Variants in TDP1 observed in about 807,000 individuals in gnomAD.
TDP1 encodes the protein tyr-DNA phosphodiesterase 1.
In TDP1, 64 loss-of-function variants were observed where a neutral mutation model predicts 81.5. The ratio of observed to expected loss-of-function variants is 0.79; its 90% CI spans 0.64 to 0.97. The LOEUF is 0.97. Among genes scored for constraint, TDP1 ranks in the 50% least tolerant of loss-of-function variants. The pLI, the probability that TDP1 is intolerant of heterozygous loss-of-function variation, is 0.00. For missense variants in TDP1, 723 were observed against 743.8 expected, an observed-to-expected ratio of 0.97 and a Z score of 0.33; for synonymous variants, 256 against 264.3, an observed-to-expected ratio of 0.97 and a Z score of 0.30.
chr14:90,040,410 C>T (rs1308477279), intron 16 of TDP1, among the ~76,000 whole-genome samples: 1 of 152,244 alleles, frequency 6.6e-6, no homozygotes, highest in African/African-American at 2.4e-5. Context: ...GGTCTCTGTG[C>T]ATGTGTCCTG....
At chr14:89,958,101 A>G (rs1245583289) in intron 2 of TDP1, among the ~76,000 whole-genome samples, 2 of 152,178 alleles carry the variant, frequency 1.3e-5, no homozygotes, top group African/African-American at 4.8e-5. Context: ...GTGTATGGCA[A>G]GTGACTCTGG....
At chr14:89,983,614 G>C (rs1442250984) in intron 8 of TDP1, among the ~76,000 whole-genome samples, 1 of 152,192 alleles carries the variant, frequency 6.6e-6, no homozygotes, top group Non-Finnish European at 1.5e-5. Context: ...ACTTTTGACT[G>C]CTCCTGTAAG....
At chr14:89,973,483 TCTAGGCTGACGTA>T (rs751064193) in intron 6 of TDP1, among the ~76,000 whole-genome samples, 12 of 152,200 alleles carry the variant, frequency 7.9e-5, no homozygotes, top group Non-Finnish European at 1.6e-4. Flanking sequence ...AGCTCCCAAC[TCTAGGCTGACGTA>T]CAGGATTGTG....
At chr14:89,968,585 A>G (rs1893218525) in intron 5 of TDP1, among the ~76,000 whole-genome samples, 3 of 152,242 alleles carry the variant, frequency 2.0e-5, no homozygotes, top group Admixed American at 2.0e-4. Flanking sequence ...AAAAGAGGCT[A>G]GAAATGTCTT....
At chr14:90,019,101 G>A in intron 14 of TDP1, 1 of 983,064 alleles carries the variant, frequency 1.0e-6, no homozygotes, top group Non-Finnish European at 1.2e-6. Context: ...AGATGAGGGT[G>A]AAACTATCCC....
At chr14:90,019,976 C>T (rs1871011794) in intron 15 of TDP1, among the ~76,000 whole-genome samples, 2 of 152,146 alleles carry the variant, frequency 1.3e-5, no homozygotes, top group South Asian at 4.1e-4. Context: ...AGTGGGGTGG[C>T]ACAAAGGACA....
intron 14 of TDP1, among the ~76,000 whole-genome samples, chr14:90,006,266 T>G (rs1349460446): frequency 1.3e-5 from 2 of 152,194 alleles, no homozygotes; most frequent in Non-Finnish European, 2.9e-5. Context: ...TTCATTTTTC[T>G]TTTCTTGCTG....
intron 15 of TDP1, among the ~76,000 whole-genome samples, chr14:90,020,475 C>A: frequency 1.0e-5 from 1 of 100,392 alleles, no homozygotes; most frequent in Non-Finnish European, 2.0e-5. Flanking sequence ...ATGCTTTTTC[C>A]TTCCCTCCCT....
At chr14:89,989,907 C>A in intron 12 of TDP1, 142 bp downstream of exon 12, 1 of 723,394 alleles carries the variant, frequency 1.4e-6, no homozygotes, top group Non-Finnish European at 2.5e-6. Flanking sequence ...CAATATGAAG[C>A]TCTGCATTCC....
chr14:89,980,605 A>T lies in TDP1; in HGVS notation c.857A>T (p.His286Leu). ...GTCATACACACCTCCAACCTCATCCATGCTGACTGGCACCAGAAAACTCAA... is the reference window on the plus strand; with the variant it reads ...GTCATACACACCTCCAACCTCATCCTTGCTGACTGGCACCAGAAAACTCAA... ...RVVIHTSNLIHADWHQKTQGI... is the reference protein window; with the variant it reads ...RVVIHTSNLILADWHQKTQGI... The change falls in exon 8 of 17, where the codon CAT becomes CTT. Residue 286 changes from histidine (H) to leucine (L), a missense_variant. Physicochemically the swap from His to Leu is moderately conservative, Grantham distance 99. Transcript: ENST00000335725. 6.2e-7 allele frequency: 1 copy of T among 1,614,184 alleles called. No homozygotes were observed. Among genetic ancestry groups the T allele is most frequent in the African/African-American group, 1.3e-5 (1 of 75,050 alleles).
At chr14:89,996,907 CG>C (rs1355612029) in intron 14 of TDP1, among the ~76,000 whole-genome samples, 9 of 152,242 alleles carry the variant, frequency 5.9e-5, no homozygotes, top group African/African-American at 2.2e-4. Context: ...AGGAATAAGG[CG>C]GCAGAGTTGA....
intron 2 of TDP1, among the ~76,000 whole-genome samples, chr14:89,959,656 G>A (rs1202463342): frequency 1.3e-5 from 2 of 152,130 alleles, no homozygotes; most frequent in African/African-American, 2.4e-5. Context: ...TCTAGAAAAT[G>A]TCTTTTTTAA....
In TDP1 at chr14:90,043,458, T is replaced by C; in HGVS notation, c.*315T>C. 2.3e-6 allele frequency: 1 copy of C among 440,258 alleles called. No individual in the cohort carries two copies. The highest frequency in any genetic ancestry group is 6.6e-4 in the Middle Eastern group (1 of 1,520). 27.3% of individuals were successfully genotyped at this position (440,258 alleles called of 1,614,324 possible). A position where few individuals can be genotyped will look rare whatever the true frequency, so the allele number is the denominator to read the frequency against. ...GACCAGAAGTGTTTCAGCTTTTGGA[T>C]TTTTTTGAATTTTGGAATATTTGCA... On this transcript the variant is annotated 3_prime_UTR_variant, in exon 17 of 17. Transcript: ENST00000335725.
At chr14:89,999,756 T>G (rs914603066) in intron 14 of TDP1, among the ~76,000 whole-genome samples, 1 of 152,212 alleles carries the variant, frequency 6.6e-6, no homozygotes, top group African/African-American at 2.4e-5. Context: ...CCAAAAACAT[T>G]GCCATTGCTC....
intron 11 of TDP1, chr14:89,989,440 G>T (rs1895942068): frequency 1.0e-6 from 1 of 982,416 alleles, no homozygotes; most frequent in Non-Finnish European, 1.2e-6. Context: ...TAATTATTTA[G>T]AGAACTGTGA....
chr14:90,000,031 C>CATCTGA (rs1897053514), intron 14 of TDP1, among the ~76,000 whole-genome samples: 1 of 152,288 alleles, frequency 6.6e-6, no homozygotes, highest in East Asian at 1.9e-4. Context: ...GGCGTCAACC[C>CATCTGA]AGCTGTGCTC....
At chr14:90,027,774 GTAC>G (rs1886836733) in intron 15 of TDP1, among the ~76,000 whole-genome samples, 1 of 152,088 alleles carries the variant, frequency 6.6e-6, no homozygotes, top group Non-Finnish European at 1.5e-5. Context: ...TTTTCTCGTT[GTAC>G]AATGGAAACA....
At chr14:90,036,631 C>T (rs1188421465) in intron 16 of TDP1, among the ~76,000 whole-genome samples, 1 of 152,086 alleles carries the variant, frequency 6.6e-6, no homozygotes, top group East Asian at 1.9e-4. Flanking sequence ...TCATTCTCTC[C>T]ACAGATCTAT....
At chr14:89,982,699 T>G (rs530590883) in intron 8 of TDP1, among the ~76,000 whole-genome samples, 30 of 152,306 alleles carry the variant, frequency 2.0e-4, no homozygotes, top group African/African-American at 7.2e-4. Context: ...ACTTATTGAC[T>G]AGGTAGGAAC....
Sources: allele counts gnomAD v4.1 joint callset (sites outside exome capture counted in the v4.1 genomes callset), GRCh38; gene constraint gnomAD v4.1.1; transcripts MANE v1.5; gene names NCBI Gene and HGNC (gene_info 2026-07-23, HGNC 2026-07-21).